CECR2: variants seen among roughly 807,000 people sequenced by gnomAD.
The protein encoded by CECR2 is CECR2 histone acetyl-lysine reader, also known as chromatin remodeling regulator CECR2.
In CECR2, 30 loss-of-function variants were observed where a neutral mutation model predicts 154.5. That is an observed-to-expected ratio of 0.19 (90% CI 0.15 to 0.26). The LOEUF is 0.26. Ranked by LOEUF, CECR2 falls within the 10% of genes least tolerant of loss-of-function variation. The pLI, the probability that CECR2 is intolerant of heterozygous loss-of-function variation, is 1.00. For missense variants in CECR2, 1,743 were observed against 1,829.3 expected, an observed-to-expected ratio of 0.95 and a Z score of 0.86; for synonymous variants, 725 against 683.7, an observed-to-expected ratio of 1.06 and a Z score of -0.94.
intron 1 of CECR2, among the ~76,000 whole-genome samples, chr22:17,407,739 G>A (rs1214267795): frequency 6.6e-6 from 1 of 152,166 alleles, no homozygotes; most frequent in Admixed American, 6.5e-5. Context: ...GAGGACTTTG[G>A]CGGTGTCTGG....
intron 7 of CECR2, among the ~76,000 whole-genome samples, chr22:17,506,567 A>T (rs2146906004): frequency 6.6e-6 from 1 of 152,254 alleles, no homozygotes; most frequent in South Asian, 2.1e-4. Context: ...TATCTTTGTG[A>T]GTTCAGGCTT....
intron 8 of CECR2, among the ~76,000 whole-genome samples, chr22:17,520,573 C>T (rs553816195): frequency 1.1e-4 from 17 of 152,258 alleles, no homozygotes; most frequent in African/African-American, 4.1e-4. Flanking sequence ...ATCCCTCCCC[C>T]AGTCCCCCAC....
chr22:17,424,059 G>T (rs560828195), intron 1 of CECR2, among the ~76,000 whole-genome samples: 2 of 152,086 alleles, frequency 1.3e-5, no homozygotes, highest in Non-Finnish European at 2.9e-5. Flanking sequence ...TTCTGTCATT[G>T]TAAGCACATC....
At chr22:17,438,938 G>A (rs1459177302) in intron 1 of CECR2, among the ~76,000 whole-genome samples, 1 of 152,074 alleles carries the variant, frequency 6.6e-6, no homozygotes, top group Non-Finnish European at 1.5e-5. Flanking sequence ...CTTTGGGGGA[G>A]GTCAAGTTGG....
chr22:17,382,794 A>G (rs1174288304), intron 1 of CECR2, among the ~76,000 whole-genome samples: 1 of 152,082 alleles, frequency 6.6e-6, no homozygotes, highest in Non-Finnish European at 1.5e-5. Context: ...TGTCCCAGCT[A>G]TATGGGAGGC....
chr22:17,486,778 A>G (rs540253076), intron 2 of CECR2, among the ~76,000 whole-genome samples: 26 of 152,364 alleles, frequency 1.7e-4, no homozygotes, highest in African/African-American at 4.1e-4. Context: ...GCAATTCAGG[A>G]AAGTTATCAT....
chr22:17,418,630 G>T, intron 1 of CECR2: 1 of 201,264 alleles, frequency 5.0e-6, no homozygotes. Flanking sequence ...TAAAAATGAG[G>T]TTAGGTCAGT....
chr22:17,540,918 T>C, intron 14 of CECR2, 118 bp downstream of exon 14: 1 of 1,073,968 alleles, frequency 9.3e-7, no homozygotes, highest in Non-Finnish European at 1.3e-6. Context: ...GGAATCTTTT[T>C]CCCTGTGAGT....
chr22:17,532,697 A>ATTATTTTTTT (rs1158636788), intron 9 of CECR2, among the ~76,000 whole-genome samples: 2 of 29,366 alleles, frequency 6.8e-5, no homozygotes, highest in Non-Finnish European at 7.2e-5. Flanking sequence ...ATTCATTATT[A>ATTATTTTTTT]TTCTTTTTTT....
intron 9 of CECR2, among the ~76,000 whole-genome samples, chr22:17,536,859 C>A (rs1389124647): frequency 6.6e-6 from 1 of 152,152 alleles, no homozygotes; most frequent in Non-Finnish European, 1.5e-5. Context: ...GCCCTGCCAC[C>A]TTCATCTCCC....
At chr22:17,495,677 A>G (rs2055612157) in intron 2 of CECR2, among the ~76,000 whole-genome samples, 1 of 151,742 alleles carries the variant, frequency 6.6e-6, no homozygotes, top group Non-Finnish European at 1.5e-5. Context: ...CCTGGCTAAC[A>G]CAGTGAAACC....
intron 1 of CECR2, chr22:17,477,194 C>T: frequency 2.8e-6 from 2 of 714,464 alleles, no homozygotes; most frequent in South Asian, 3.0e-5. Flanking sequence ...TAAACAATTA[C>T]ATGAGCACTC....
chr22:17,387,872 A>G (rs1415002559), intron 1 of CECR2, among the ~76,000 whole-genome samples: 1 of 152,014 alleles, frequency 6.6e-6, no homozygotes. Flanking sequence ...TTTCTAAGAT[A>G]GGATTAGTGT....
In CECR2 at chr22:17,404,364, C is replaced by CTTTTTTTTT. The variant is rs1209598318; in HGVS notation, c.126+34458_126+34459insTTTTTTTTT. Among the ~76,000 whole-genome samples, 385 of 59,552 alleles carry CTTTTTTTTT rather than the reference C, an allele frequency of 6.5e-3. 61 individuals are homozygous for CTTTTTTTTT. Among genetic ancestry groups the CTTTTTTTTT allele is most frequent in the Non-Finnish European group, 8.7e-3 (273 of 31,388 alleles). The allele number at this position is 59,552 out of a possible 152,430, so 39.1% of individuals were successfully genotyped here. ...TGTGGGTTCATTTCTGGACCCTGTT[C>CTTTTTTTTT]TTTCTTTTTTTTTTTTTTTTTTTTT... is the stretch of plus-strand genomic sequence containing the variant. On this transcript the variant is annotated intron_variant, in intron 1 of 18. Coordinates refer to ENST00000262608, the MANE Select transcript of CECR2 (RefSeq NM_001290047.2).
At chr22:17,462,682 G>A (rs943233337) in intron 1 of CECR2, among the ~76,000 whole-genome samples, 10 of 152,230 alleles carry the variant, frequency 6.6e-5, no homozygotes, top group Admixed American at 2.0e-4. Context: ...TTGGGAGGCC[G>A]AGGCGGGTGG....
chr22:17,368,479 T>C (rs2063015809), upstream of CECR2, among the ~76,000 whole-genome samples: 1 of 151,910 alleles, frequency 6.6e-6, no homozygotes, highest in African/African-American at 2.4e-5. Context: ...TCCAAACTTC[T>C]AGCCTGTTTC....
Position 17,548,207 on chromosome 22 carries a change from T to A in CECR2, c.2920T>A (p.Tyr974Asn). 1 of 1,592,978 alleles carries A rather than the reference T, an allele frequency of 6.3e-7. No homozygotes were observed. The highest frequency in any genetic ancestry group is 1.1e-5 in the South Asian group (1 of 87,904). The change falls in exon 17 of 19, where the codon TAC becomes AAC. Residue 974 changes from tyrosine (Y) to asparagine (N), a missense_variant. Physicochemically the swap from Tyr to Asn is moderately radical, Grantham distance 143 (BLOSUM62 -2). Around this residue, in one of 4 missense-constraint regions of CECR2, gnomAD observed 1,250 missense variants for 1,192.1 expected, o/e 1.05. Coordinates refer to ENST00000262608, the MANE Select transcript of CECR2 (RefSeq NM_001290047.2). ...PPGVGTSEGVYLTQLPHPTPP... is the reference protein window; with the variant it reads ...PPGVGTSEGVNLTQLPHPTPP... ...AGGTGTTGGTACTTCAGAGGGGGTC[T>A]ACCTCACACAACTACCTCACCCCAC... is the stretch of plus-strand genomic sequence containing the variant.
At chr22:17,395,114 C>G (rs1458991022) in intron 1 of CECR2, among the ~76,000 whole-genome samples, 4 of 152,136 alleles carry the variant, frequency 2.6e-5, no homozygotes, top group African/African-American at 9.7e-5. Flanking sequence ...TGACCCCATC[C>G]CTACTCTGGT....
intron 1 of CECR2, among the ~76,000 whole-genome samples, chr22:17,467,053 C>T (rs1255825058): frequency 6.6e-6 from 1 of 152,194 alleles, no homozygotes; most frequent in African/African-American, 2.4e-5. Flanking sequence ...TCCAGATCAG[C>T]TGTTGACTCT....
Sources: allele counts gnomAD v4.1 joint callset (sites outside exome capture counted in the v4.1 genomes callset), GRCh38; gene constraint gnomAD v4.1.1; regional missense constraint gnomAD v4.1.1; transcripts MANE v1.5; gene names NCBI Gene and HGNC (gene_info 2026-07-23, HGNC 2026-07-21).